Variants in TMPO observed in about 807,000 individuals in gnomAD.
TMPO encodes the protein thymopoietin.
In TMPO, 22 loss-of-function variants were observed where a neutral mutation model predicts 45.4. The observed-to-expected ratio is 0.48, with a 90% confidence interval of 0.35 to 0.69. The LOEUF is 0.69. TMPO is among the 30% of genes least tolerant of loss of function. TMPO has a pLI of 0.01. For synonymous variants in TMPO, 241 were observed against 204.1 expected, an observed-to-expected ratio of 1.18 and a Z score of -1.54; for missense variants, 512 against 548.8, an observed-to-expected ratio of 0.93 and a Z score of 0.67.
intron 4 of TMPO, among the ~76,000 whole-genome samples, chr12:98,541,987 T>C (rs1220752181): frequency 2.0e-5 from 3 of 152,242 alleles, no homozygotes; most frequent in African/African-American, 7.2e-5. Context: ...CTGCATTTTA[T>C]GTGTTGCATT....
intron 3 of TMPO, chr12:98,533,116 T>G: frequency 6.2e-7 from 1 of 1,614,142 alleles, no homozygotes; most frequent in Non-Finnish European, 8.5e-7. Flanking sequence ...CCATGATAGG[T>G]GTTTAGAGAA....
At position 98,548,703 on chromosome 12, in the gene TMPO, A is replaced by C. The variant is rs766642705; in HGVS notation, c.*845A>C. ...GATAAGTGTGTGTATGTTTGTTTAG[A>C]AGTTAGAAATTGTAAACACTGGTCT... On this transcript the variant is annotated 3_prime_UTR_variant, in exon 9 of 9. Coordinates refer to ENST00000556029, the MANE Select transcript of TMPO (RefSeq NM_001032283.3). The C allele has an allele frequency of 1.3e-5, 2 of 152,198 alleles. No homozygotes were observed. Among genetic ancestry groups the C allele is most frequent in the Non-Finnish European group, 2.9e-5 (2 of 68,028 alleles). The allele number at this position is 152,198 out of a possible 1,614,324, so 9.4% of individuals were successfully genotyped here. A position where few individuals can be genotyped will look rare whatever the true frequency, so the allele number is the denominator to read the frequency against.
intron 1 of TMPO, chr12:98,516,475 G>A (rs144337361): frequency 0.015 from 16,704 of 1,119,902 alleles, 174 homozygotes; most frequent in Non-Finnish European, 0.017. Flanking sequence ...GGACTTCCGT[G>A]CCCTTTCGAA....
chr12:98,531,629 C>T (rs1463975032), intron 2 of TMPO, 51 bp from the exon 3 acceptor site: 1 of 1,573,608 alleles, frequency 6.4e-7, no homozygotes, highest in South Asian at 1.1e-5. Flanking sequence ...GTCTGAGCTG[C>T]ATCCTAAATG....
rs1276684825 is a variant in TMPO, at chr12:98,548,814, T to C, written c.*956T>C. 1 of 152,182 alleles carries C rather than the reference T, an allele frequency of 6.6e-6. No individual in the cohort carries two copies. The highest frequency in any genetic ancestry group is 2.4e-5 in the African/African-American group (1 of 41,448). The allele number at this position is 152,182 out of a possible 1,614,324, so 9.4% of individuals were successfully genotyped here. ...TTTTTTTGCCCTATATTTCCCAGCA[T>C]AATTTGATTAGAAAGTACAAAAAGG... On this transcript the variant is annotated 3_prime_UTR_variant, in exon 9 of 9. Transcript: ENST00000556029.
At chr12:98,520,755 T>C (rs955052862) in intron 1 of TMPO, among the ~76,000 whole-genome samples, 4 of 151,558 alleles carry the variant, frequency 2.6e-5, no homozygotes, top group Admixed American at 6.6e-5. Flanking sequence ...TGGCTAATTT[T>C]ATGTATTTTT....
intron 3 of TMPO, chr12:98,533,022 T>G: frequency 6.2e-7 from 1 of 1,613,676 alleles, no homozygotes; most frequent in Non-Finnish European, 8.5e-7. Flanking sequence ...CTAGGGAGCC[T>G]CTTGTTGCCA....
At chr12:98,518,470 C>CTTT (rs11437786) in intron 1 of TMPO, among the ~76,000 whole-genome samples, 3,259 of 83,330 alleles carry the variant, frequency 0.039, 149 homozygotes, top group East Asian at 0.17. Flanking sequence ...ATTTTCTAAT[C>CTTT]TTTTTTTTTT....
Position 98,516,066 on chromosome 12 carries a change from A to G in TMPO, c.199A>G (p.Ser67Gly). ...TNSKGPPDFS[S>G]DEEREPTPVL... is the part of the protein sequence containing the mutation. ...CAGCAAGGGGCCCCCGGACTTCTCC[A>G]GTGACGAAGAGCGCGAGCCCACCCC... is the stretch of plus-strand genomic sequence containing the variant. The change falls in exon 1 of 9, where the codon AGT (serine) becomes GGT (glycine). Residue 67 changes from serine (S) to glycine (G), a missense_variant. This residue lies in a region of TMPO where 299 missense variants were observed against 296.7 expected (regional missense o/e 1.01). Transcript: ENST00000556029. The G allele has an allele frequency of 1.9e-6, 3 of 1,607,376 alleles. No individual in the cohort carries two copies. Among genetic ancestry groups the G allele is most frequent in the Non-Finnish European group, 2.5e-6 (3 of 1,178,580 alleles).
intron 3 of TMPO, chr12:98,533,072 C>A (rs757191247): frequency 6.2e-7 from 1 of 1,613,816 alleles, no homozygotes; most frequent in South Asian, 1.1e-5. Context: ...AAGTTAGCCT[C>A]TGAAAGGAAT....
intron 1 of TMPO, among the ~76,000 whole-genome samples, chr12:98,526,449 C>T (rs1263056037): frequency 6.6e-6 from 1 of 152,180 alleles, no homozygotes; most frequent in Non-Finnish European, 1.5e-5. Flanking sequence ...CTCTAGATTA[C>T]TTATAACGCC....
rs1171857511 is a variant in TMPO at position 98,518,915 on chromosome 12, T to C, written c.279+2769T>C. On this transcript the variant is annotated intron_variant, in intron 1 of 8. Coordinates refer to ENST00000556029, the MANE Select transcript of TMPO (RefSeq NM_001032283.3). ...TTTTTTTTTTTGAGACGAGTCTTGCTCTGTCGCCCAGTCTGGGGTGCGGTG... is the reference window on the plus strand; with the variant it reads ...TTTTTTTTTTTGAGACGAGTCTTGCCCTGTCGCCCAGTCTGGGGTGCGGTG... Among the ~76,000 whole-genome samples, 6 of 151,878 alleles carry C rather than the reference T, an allele frequency of 4.0e-5. No homozygotes were observed. The East Asian group carries it at 1.2e-3, about 29-fold the overall frequency.
intron 3 of TMPO, chr12:98,534,464 C>A: frequency 6.5e-7 from 1 of 1,536,148 alleles, no homozygotes; most frequent in Non-Finnish European, 8.7e-7. Context: ...AAGCTTCTAC[C>A]CATCAAATTA....
intron 4 of TMPO, among the ~76,000 whole-genome samples, chr12:98,542,996 G>A (rs74526888): frequency 0.02 from 3,072 of 152,288 alleles, 50 homozygotes; most frequent in Non-Finnish European, 0.029. Flanking sequence ...CAGAGATTCA[G>A]ATTGTGACTT....
intron 4 of TMPO, among the ~76,000 whole-genome samples, chr12:98,542,274 T>TTTTTG (rs935048777): frequency 2.6e-5 from 4 of 152,160 alleles, no homozygotes; most frequent in African/African-American, 4.8e-5. Flanking sequence ...ATATGAGGCT[T>TTTTTG]TTTTGTTTTG....
At chr12:98,521,799 G>A (rs1019808940) in intron 1 of TMPO, among the ~76,000 whole-genome samples, 3 of 151,856 alleles carry the variant, frequency 2.0e-5, no homozygotes, top group South Asian at 2.1e-4. Flanking sequence ...GCGCGATCTC[G>A]GCTCACTGCA....
Position 98,545,032 on chromosome 12 carries a change from G to A in TMPO, c.961G>A (p.Ala321Thr), listed in dbSNP as rs751545979. 2.7e-5 allele frequency: 43 copies of A among 1,613,146 alleles called. No homozygotes were observed. Among genetic ancestry groups the A allele is most frequent in the Non-Finnish European group, 3.5e-5 (41 of 1,179,700 alleles). ...TGAATTCTCAGACATACCCAGAAGA[G>A]CACCAAAGAAACCATTGACAAGAGC... The part of the protein sequence containing the change: ...ITEFSDIPRR[A>T]PKKPLTRAEV... Residue 321 changes from alanine (A) to threonine (T), a missense_variant, in exon 7 of 9, where the codon GCA (alanine) becomes ACA (threonine). This residue lies in a region of TMPO where 209 missense variants were observed against 235.1 expected (regional missense o/e 0.89). Coordinates refer to ENST00000556029, the MANE Select transcript of TMPO (RefSeq NM_001032283.3).
intron 3 of TMPO, chr12:98,532,069 C>CT: frequency 2.2e-6 from 1 of 463,370 alleles, no homozygotes; most frequent in Non-Finnish European, 3.8e-6. Context: ...TTAACTTTGT[C>CT]TTTTTTGCTA....
chr12:98,539,225 A>ATAAATAAG (rs1452743675), intron 4 of TMPO, among the ~76,000 whole-genome samples: 1 of 151,834 alleles, frequency 6.6e-6, no homozygotes, highest in Non-Finnish European at 1.5e-5. Flanking sequence ...AAATAAATAA[A>ATAAATAAG]TAATAAAGAT....
Sources: gnomAD v4.1 joint callset for allele counts (sites outside exome capture counted in the v4.1 genomes callset) on GRCh38, gnomAD v4.1.1 for gene constraint, gnomAD v4.1.1 regional missense constraint, MANE v1.5 for transcripts, NCBI Gene and HGNC (gene_info 2026-07-23, HGNC 2026-07-21) for gene names.